The following DAB1 variants were observed in gnomAD, a reference collection of about 807,000 sequenced individuals.
DAB1 encodes DAB adaptor protein 1.
DAB1 carries 15 observed loss-of-function variants against 64.6 expected under a neutral mutation model. The ratio of observed to expected loss-of-function variants is 0.23; its 90% CI spans 0.16 to 0.36. The LOEUF (loss-of-function observed/expected upper bound fraction) is 0.36, where lower values mean the gene tolerates loss of function less well. DAB1 is among the 10% of genes least tolerant of loss of function. The pLI is 1.00. For synonymous variants in DAB1, 235 were observed against 251.9 expected, an observed-to-expected ratio of 0.93 and a Z score of 0.64; for missense variants, 596 against 706.7, an observed-to-expected ratio of 0.84 and a Z score of 1.78.
chr1:58,400,377 A>C (rs1377617488), intron 3 of DAB1, among the ~76,000 whole-genome samples: 1 of 152,134 alleles, frequency 6.6e-6, no homozygotes, highest in Non-Finnish European at 1.5e-5. Context: ...TCCAAGCAAC[A>C]GTGGCCATTA....
At chr1:57,153,804 A>AC (rs1659940514) in intron 2 of DAB1, among the ~76,000 whole-genome samples, 1 of 151,598 alleles carries the variant, frequency 6.6e-6, no homozygotes, top group Admixed American at 6.6e-5. Flanking sequence ...CACCTGGCTA[A>AC]TTTTTTTGTA....
At chr1:57,587,057 C>T (rs1383922619) in intron 7 of DAB1, among the ~76,000 whole-genome samples, 2 of 152,184 alleles carry the variant, frequency 1.3e-5, no homozygotes, top group Non-Finnish European at 2.9e-5. Flanking sequence ...AGAATGCCAT[C>T]AACTTCAGAG....
At chr1:58,100,288 T>C (rs1487470843) in intron 5 of DAB1, among the ~76,000 whole-genome samples, 2 of 152,242 alleles carry the variant, frequency 1.3e-5, no homozygotes, top group East Asian at 3.8e-4. Flanking sequence ...TTCTATGTTC[T>C]GTGTCTATGA....
At chr1:58,107,309 A>G (rs1350639121) in intron 5 of DAB1, among the ~76,000 whole-genome samples, 1 of 150,626 alleles carries the variant, frequency 6.6e-6, no homozygotes, top group Non-Finnish European at 1.5e-5. Flanking sequence ...AATACAAAAA[A>G]AAAAAAAAAA....
chr1:57,491,771 C>A (rs768674801), intron 7 of DAB1, among the ~76,000 whole-genome samples: 14 of 152,120 alleles, frequency 9.2e-5, no homozygotes, highest in Non-Finnish European at 8.8e-5. Context: ...AGGTTTCCCA[C>A]GTAGCATCAC....
At chr1:58,117,555 G>A (rs553143732) in intron 5 of DAB1, among the ~76,000 whole-genome samples, 6 of 152,192 alleles carry the variant, frequency 3.9e-5, no homozygotes, top group East Asian at 1.9e-4. Flanking sequence ...ATGATCTGAC[G>A]CTTCATTGCG....
chr1:57,245,854 C>T (rs1668831651), intron 2 of DAB1, among the ~76,000 whole-genome samples: 1 of 152,198 alleles, frequency 6.6e-6, no homozygotes. Flanking sequence ...TGAGGAATCA[C>T]AACACTGTCT....
intron 3 of DAB1, among the ~76,000 whole-genome samples, chr1:58,379,051 G>T (rs1208268935): frequency 1.3e-5 from 2 of 151,396 alleles, no homozygotes; most frequent in African/African-American, 2.4e-5. Context: ...CGCATGGTGC[G>T]CGCACCCACT....
At chr1:57,539,121 C>G (rs1341311) in intron 7 of DAB1, among the ~76,000 whole-genome samples, 144,556 of 152,342 alleles carry the variant, frequency 0.95, 69,016 homozygotes, top group East Asian at 1. Context: ...TTAGGAAGCA[C>G]TGGGAAGAAT....
chr1:57,321,499 G>A (rs942795820), intron 1 of DAB1, among the ~76,000 whole-genome samples: 6 of 117,756 alleles, frequency 5.1e-5, no homozygotes, highest in East Asian at 1.9e-3. Flanking sequence ...CCAAGCCTTC[G>A]CATCCAGCTC....
intron 4 of DAB1, among the ~76,000 whole-genome samples, chr1:58,311,540 G>A (rs1199452330): frequency 6.6e-6 from 1 of 152,156 alleles, no homozygotes. Context: ...GCATGATGGG[G>A]ATATAGGGCC....
chr1:58,462,732 A>G (rs1482498692), intron 3 of DAB1: 2 of 152,048 alleles, frequency 1.3e-5, no homozygotes, highest in African/African-American at 4.8e-5. Context: ...ACTTAGCCAG[A>G]CTTCTTATTA....
chr1:57,940,573 T>C (rs1645089047), intron 5 of DAB1, among the ~76,000 whole-genome samples: 1 of 152,220 alleles, frequency 6.6e-6, no homozygotes, highest in African/African-American at 2.4e-5. Context: ...GCTGAAGATC[T>C]TGTTAACAGG....
intron 4 of DAB1, among the ~76,000 whole-genome samples, chr1:58,291,000 T>C (rs571147771): frequency 1.2e-4 from 18 of 152,076 alleles, no homozygotes; most frequent in Non-Finnish European, 1.3e-4. Context: ...AGAGGGAATA[T>C]CATGAGAGGA....
intron 4 of DAB1, among the ~76,000 whole-genome samples, chr1:57,097,067 G>T (rs1291600783): frequency 2.6e-5 from 4 of 152,162 alleles, no homozygotes; most frequent in Non-Finnish European, 5.9e-5. Context: ...ACCCAGATTA[G>T]TATCTAGCAA....
At chr1:58,473,696 G>C in intron 3 of DAB1, 1 of 368,072 alleles carries the variant, frequency 2.7e-6, no homozygotes, top group Non-Finnish European at 5.0e-6. Context: ...ATGAATGCTA[G>C]CCATTATTAT....
chr1:58,277,322 G>T (rs2100435955), intron 4 of DAB1, among the ~76,000 whole-genome samples: 1 of 152,222 alleles, frequency 6.6e-6, no homozygotes, highest in African/African-American at 2.4e-5. Flanking sequence ...TTACAGGCGT[G>T]ACCCACCGCG....
intron 6 of DAB1, among the ~76,000 whole-genome samples, chr1:57,757,813 T>C (rs942713700): frequency 6.6e-6 from 1 of 152,172 alleles, no homozygotes; most frequent in African/African-American, 2.4e-5. Flanking sequence ...GAGACTCAGC[T>C]TCTTCATTTT....
At chr1:57,584,672 T>C (rs1175342754) in intron 7 of DAB1, among the ~76,000 whole-genome samples, 7 of 152,142 alleles carry the variant, frequency 4.6e-5, no homozygotes, top group Admixed American at 4.6e-4. Flanking sequence ...TATATTATGC[T>C]CTCCTAAGGA....
Sources: gnomAD v4.1 joint callset for allele counts (sites outside exome capture counted in the v4.1 genomes callset) on GRCh38, gnomAD v4.1.1 for gene constraint, MANE v1.5 for transcripts, NCBI Gene and HGNC (gene_info 2026-07-23, HGNC 2026-07-21) for gene names.